CNTNAP5: variants seen among roughly 807,000 people sequenced by gnomAD.
CNTNAP5 encodes the protein contactin associated protein family member 5.
Under a neutral mutation model 150.2 loss-of-function variants are expected in CNTNAP5, and 72 were observed. That is an observed-to-expected ratio of 0.48 (90% confidence interval 0.40 to 0.58). The LOEUF (loss-of-function observed/expected upper bound fraction) is 0.58, where lower values mean the gene tolerates loss of function less well. Ranked by LOEUF, CNTNAP5 falls within the 20% of genes least tolerant of loss-of-function variation. CNTNAP5 has a pLI of 0.00. For synonymous variants in CNTNAP5, 672 were observed against 619.8 expected (o/e 1.08, Z -1.25); for missense variants, 1,636 against 1,626.2 (o/e 1.01, Z -0.10).
chr2:124,800,983 T>C (rs1272498719), intron 19 of CNTNAP5, among the ~76,000 whole-genome samples: 1 of 152,154 alleles, frequency 6.6e-6, no homozygotes, highest in Non-Finnish European at 1.5e-5. Context: ...TCATGGGAGA[T>C]GGATGTCCAG....
intron 14 of CNTNAP5, among the ~76,000 whole-genome samples, chr2:124,760,656 C>T (rs185108272): frequency 2.0e-5 from 3 of 152,134 alleles, no homozygotes; most frequent in Admixed American, 6.6e-5. Flanking sequence ...ATTCCATGTG[C>T]CCTTGTAGAC....
At chr2:124,647,204 C>T (rs976140406) in intron 12 of CNTNAP5, among the ~76,000 whole-genome samples, 1 of 152,072 alleles carries the variant, frequency 6.6e-6, no homozygotes, top group Admixed American at 6.5e-5. Context: ...AGAGGTAATA[C>T]GGGGAATAAA....
intron 12 of CNTNAP5, among the ~76,000 whole-genome samples, chr2:124,646,934 C>T (rs1409862984): frequency 1.3e-5 from 2 of 152,134 alleles, no homozygotes. Flanking sequence ...GATCACCCTA[C>T]TGCACTCTAG....
intron 1 of CNTNAP5, among the ~76,000 whole-genome samples, chr2:124,160,688 G>A (rs544474590): frequency 6.6e-5 from 10 of 152,154 alleles, no homozygotes; most frequent in Non-Finnish European, 1.0e-4. Context: ...TTTGAAGCAC[G>A]GTAATTAGGT....
intron 1 of CNTNAP5, among the ~76,000 whole-genome samples, chr2:124,137,961 G>A (rs113581220): frequency 2.6e-5 from 4 of 152,074 alleles, no homozygotes; most frequent in South Asian, 2.1e-4. Flanking sequence ...ATATTCAGGA[G>A]CAACTCAATT....
chr2:124,417,421 G>C, intron 3 of CNTNAP5, 22 bp from the exon 4 acceptor site: 1 of 1,608,996 alleles, frequency 6.2e-7, no homozygotes, highest in Non-Finnish European at 8.5e-7. Flanking sequence ...AGACCTCACT[G>C]CCTCTCCTTT....
chr2:124,750,514 A>G (rs2105148943), intron 14 of CNTNAP5, among the ~76,000 whole-genome samples: 1 of 152,312 alleles, frequency 6.6e-6, no homozygotes, highest in East Asian at 1.9e-4. Context: ...ACTTTATCAG[A>G]TATTTACTGA....
intron 3 of CNTNAP5, among the ~76,000 whole-genome samples, chr2:124,251,958 T>C (rs1242224381): frequency 1.3e-5 from 2 of 152,172 alleles, no homozygotes; most frequent in Non-Finnish European, 2.9e-5. Context: ...ACAGCTCAGC[T>C]GACTGGGTGT....
chr2:124,698,073 A>AT (rs904532315), intron 13 of CNTNAP5, among the ~76,000 whole-genome samples: 7 of 151,968 alleles, frequency 4.6e-5, no homozygotes, highest in East Asian at 1.9e-4. Flanking sequence ...AAGACCATAG[A>AT]TTTTTTCCCC....
intron 1 of CNTNAP5, among the ~76,000 whole-genome samples, chr2:124,174,772 G>A (rs913274080): frequency 9.2e-5 from 14 of 152,150 alleles, no homozygotes; most frequent in Non-Finnish European, 2.1e-4. Flanking sequence ...TTGGATAAAA[G>A]GCTATCAAAG....
chr2:124,913,477 C>A (rs918172481), intron 23 of CNTNAP5, among the ~76,000 whole-genome samples: 2 of 152,050 alleles, frequency 1.3e-5, no homozygotes, highest in Non-Finnish European at 2.9e-5. Flanking sequence ...TCTCAGTTGA[C>A]TTTGAGTTTC....
At chr2:124,362,848 C>G (rs776939210) in intron 3 of CNTNAP5, among the ~76,000 whole-genome samples, 17 of 152,262 alleles carry the variant, frequency 1.1e-4, no homozygotes, top group African/African-American at 4.1e-4. Flanking sequence ...AATAAGTAAT[C>G]GACTACATTC....
intron 6 of CNTNAP5, among the ~76,000 whole-genome samples, chr2:124,457,375 G>A (rs1258941691): frequency 6.6e-6 from 1 of 152,190 alleles, no homozygotes; most frequent in Non-Finnish European, 1.5e-5. Context: ...CCCACAGAGT[G>A]GGAGAAAATC....
intron 11 of CNTNAP5, among the ~76,000 whole-genome samples, chr2:124,574,702 G>T (rs942379478): frequency 1.4e-4 from 22 of 152,304 alleles, no homozygotes; most frequent in African/African-American, 5.3e-4. Flanking sequence ...TCATGTGATT[G>T]TTCAGTATAA....
intron 1 of CNTNAP5, among the ~76,000 whole-genome samples, chr2:124,193,215 G>T (rs1685500361): frequency 6.6e-6 from 1 of 152,172 alleles, no homozygotes; most frequent in African/African-American, 2.4e-5. Flanking sequence ...AATCTGCAAA[G>T]ACCCTATTTT....
intron 3 of CNTNAP5, among the ~76,000 whole-genome samples, chr2:124,259,348 T>C (rs1442352145): frequency 1.3e-5 from 2 of 152,110 alleles, no homozygotes. Flanking sequence ...GGCAGCATGA[T>C]TTATAATCCA....
chr2:124,620,351 A>C (rs1022748211), intron 12 of CNTNAP5, among the ~76,000 whole-genome samples: 1 of 152,206 alleles, frequency 6.6e-6, no homozygotes, highest in South Asian at 2.1e-4. Flanking sequence ...TTTAATCTTG[A>C]CTGAGCTTGA....
chr2:124,806,823 A>G (rs1432275510), intron 19 of CNTNAP5, among the ~76,000 whole-genome samples: 1 of 152,170 alleles, frequency 6.6e-6, no homozygotes, highest in Non-Finnish European at 1.5e-5. Flanking sequence ...GGGCTTGGAG[A>G]AACTCACTTG....
chr2:124,526,545 A>G (rs1002360977), intron 9 of CNTNAP5, among the ~76,000 whole-genome samples: 1 of 152,232 alleles, frequency 6.6e-6, no homozygotes, highest in African/African-American at 2.4e-5. Context: ...AAGCACTCAT[A>G]TACCTGCAAG....
Sources: allele counts gnomAD v4.1 joint callset (sites outside exome capture counted in the v4.1 genomes callset), GRCh38; gene constraint gnomAD v4.1.1; transcripts MANE v1.5; gene names NCBI Gene and HGNC (gene_info 2026-07-23, HGNC 2026-07-21).